The following ITPR1 variants were observed in gnomAD, a reference collection of about 807,000 sequenced individuals.
The protein encoded by ITPR1 is inositol 1,4,5-trisphosphate receptor type 1, also known as inositol 1,4,5-trisphosphate-gated calcium channel ITPR1.
A neutral mutation model predicts 318.4 loss-of-function variants in ITPR1; 96 were observed. The ratio of observed to expected loss-of-function variants is 0.30; its 90% CI spans 0.26 to 0.36. The LOEUF is 0.36. Ranked by LOEUF, ITPR1 falls within the 10% of genes least tolerant of loss-of-function variation. The probability of loss-of-function intolerance (pLI) is 1.00; values close to 1 mark genes in which losing one functional copy is unlikely to be tolerated. For missense variants in ITPR1, 2,440 were observed against 3,460.2 expected, an observed-to-expected ratio of 0.71 and a Z score of 7.40; for synonymous variants, 1,312 against 1,289.9, an observed-to-expected ratio of 1.02 and a Z score of -0.37.
At chr3:4,729,009 A>G (rs1260294802) in intron 42 of ITPR1, among the ~76,000 whole-genome samples, 1 of 152,054 alleles carries the variant, frequency 6.6e-6, no homozygotes, top group East Asian at 1.9e-4. Context: ...GGCACCTTGC[A>G]TTCTTATATT....
intron 61 of ITPR1, among the ~76,000 whole-genome samples, chr3:4,845,595 T>C (rs2051705556): frequency 6.6e-6 from 1 of 152,204 alleles, no homozygotes. Flanking sequence ...CAGCATTTAA[T>C]CATTCTGGAC....
intron 60 of ITPR1, among the ~76,000 whole-genome samples, chr3:4,831,750 G>A (rs2050531273): frequency 1.3e-5 from 2 of 152,240 alleles, no homozygotes; most frequent in South Asian, 2.1e-4. Context: ...CTGGAGAGGC[G>A]TGGGTGACAG....
At chr3:4,600,343 G>A (rs1163146320) in intron 4 of ITPR1, among the ~76,000 whole-genome samples, 1 of 152,032 alleles carries the variant, frequency 6.6e-6, no homozygotes, top group Non-Finnish European at 1.5e-5. Context: ...CTGTGGTCGT[G>A]TATTGATTCT....
intron 37 of ITPR1, among the ~76,000 whole-genome samples, chr3:4,708,832 G>A (rs1235419384): frequency 2.0e-5 from 3 of 152,154 alleles, no homozygotes; most frequent in African/African-American, 2.4e-5. Context: ...AAATTCACTC[G>A]CAAACAGACC....
chr3:4,776,805 G>A (rs1401843264), intron 47 of ITPR1, among the ~76,000 whole-genome samples: 1 of 152,212 alleles, frequency 6.6e-6, no homozygotes, highest in Admixed American at 6.5e-5. Context: ...GATGTTACCT[G>A]GGGGCAGATG....
Position 4,768,371 on chromosome 3 carries a change from T to A in ITPR1, c.5726-140T>A. ...TCCTGTCTGAGGACTGAGAGCAGAT[T>A]GTGACTTCTTTGAGTGTTTTGCCAA... On this transcript the variant is annotated intron_variant, in intron 45 of 61. Coordinates refer to ENST00000649015, the MANE Select transcript of ITPR1 (RefSeq NM_001378452.1). The A allele has an allele frequency of 3.1e-6, 3 of 962,558 alleles. No homozygotes were observed. In the South Asian group the frequency reaches 5.9e-5, roughly 19 times the overall value. The allele number at this position is 962,558 out of a possible 1,614,324, so 59.6% of individuals were successfully genotyped here.
At chr3:4,499,712 G>C (rs951898379) in intron 2 of ITPR1, among the ~76,000 whole-genome samples, 2 of 152,182 alleles carry the variant, frequency 1.3e-5, no homozygotes, top group African/African-American at 2.4e-5. Context: ...TTTGCTGACT[G>C]CATCAGTGCA....
At chr3:4,612,165 A>G (rs190538371) in intron 4 of ITPR1, among the ~76,000 whole-genome samples, 1,479 of 144,968 alleles carry the variant, frequency 0.01, 15 homozygotes, top group Non-Finnish European at 0.013. Context: ...GTGTTCAAGC[A>G]ATTCTCCTGC....
intron 5 of ITPR1, among the ~76,000 whole-genome samples, chr3:4,628,387 T>C (rs554478323): frequency 6.6e-6 from 1 of 152,210 alleles, no homozygotes; most frequent in Non-Finnish European, 1.5e-5. Context: ...TGTTGTGTTA[T>C]CTGGCATATT....
chr3:4,748,653 T>C (rs538503210), intron 44 of ITPR1, among the ~76,000 whole-genome samples: 1 of 152,276 alleles, frequency 6.6e-6, no homozygotes, highest in African/African-American at 2.4e-5. Flanking sequence ...TGCAAACCCC[T>C]CTACTATTTC....
intron 44 of ITPR1, among the ~76,000 whole-genome samples, chr3:4,758,584 G>T (rs1357370426): frequency 1.3e-5 from 2 of 152,180 alleles, no homozygotes; most frequent in Non-Finnish European, 2.9e-5. Flanking sequence ...ATGGGTATAT[G>T]TCTAGGTCAT....
rs148340654 is a variant in ITPR1, at chr3:4,687,629, T to C, written c.3703-866T>C. Among the ~76,000 whole-genome samples the C allele has an allele frequency of 6.4e-3, 973 of 152,360 alleles. 13 individuals carry two copies. The highest frequency in any genetic ancestry group is 0.021 in the Admixed American group (319 of 15,304). ...ATTTCCAGTTTAGAAATTCTTGTTC[T>C]GTTTTTACTCTCTTAAATGTTTGCT... On this transcript the variant is annotated intron_variant, in intron 30 of 61. Coordinates refer to ENST00000649015, the MANE Select transcript of ITPR1 (RefSeq NM_001378452.1).
chr3:4,537,808 A>G (rs774543440), intron 4 of ITPR1, among the ~76,000 whole-genome samples: 4 of 152,232 alleles, frequency 2.6e-5, no homozygotes, highest in Non-Finnish European at 4.4e-5. Context: ...ACTTTGAGAG[A>G]GTAGATTTGT....
intron 3 of ITPR1, among the ~76,000 whole-genome samples, chr3:4,517,131 C>T (rs1384777214): frequency 2.0e-5 from 3 of 152,112 alleles, no homozygotes; most frequent in Non-Finnish European, 4.4e-5. Flanking sequence ...GCTTTTTTCC[C>T]AATCTTTATA....
At chr3:4,523,888 A>G (rs1575407957) in intron 4 of ITPR1, among the ~76,000 whole-genome samples, 1 of 152,180 alleles carries the variant, frequency 6.6e-6, no homozygotes, top group East Asian at 1.9e-4. Context: ...ATTTGAAGTG[A>G]CTGTTTTGAG....
intron 52 of ITPR1, among the ~76,000 whole-genome samples, chr3:4,794,056 T>C (rs767028996): frequency 1.3e-5 from 2 of 152,180 alleles, no homozygotes; most frequent in Non-Finnish European, 2.9e-5. Context: ...TCGAGATCCA[T>C]TCTCACGTAC....
intron 4 of ITPR1, among the ~76,000 whole-genome samples, chr3:4,553,139 T>G (rs749169722): frequency 6.6e-6 from 1 of 152,162 alleles, no homozygotes; most frequent in Non-Finnish European, 1.5e-5. Flanking sequence ...AGATGAAGTT[T>G]ATTGTGGTGG....
At chr3:4,691,020 ATCT>A (rs2094471825) in intron 31 of ITPR1, 121 bp from the exon 32 acceptor site, 2 of 556,654 alleles carry the variant, frequency 3.6e-6, no homozygotes, top group Non-Finnish European at 6.1e-6. Context: ...AGAGAAACAT[ATCT>A]TCATGGGTTT....
intron 44 of ITPR1, among the ~76,000 whole-genome samples, chr3:4,761,213 G>T (rs549782110): frequency 6.6e-6 from 1 of 151,946 alleles, no homozygotes; most frequent in Non-Finnish European, 1.5e-5. Flanking sequence ...GCTGAGGTTT[G>T]GGGGGGTTCA....
Sources: allele counts gnomAD v4.1 joint callset (sites outside exome capture counted in the v4.1 genomes callset), GRCh38; gene constraint gnomAD v4.1.1; transcripts MANE v1.5; gene names NCBI Gene and HGNC (gene_info 2026-07-23, HGNC 2026-07-21).